Variants in TCF20 observed in about 807,000 individuals in gnomAD.
TCF20 encodes the protein SPRE-binding protein.
In TCF20, 3 loss-of-function variants were observed where a neutral mutation model predicts 148.6. The observed-to-expected ratio is 0.02, with a 90% CI of 0.01 to 0.05. The LOEUF (loss-of-function observed/expected upper bound fraction) is 0.05, where lower values mean the gene tolerates loss of function less well. Among genes scored for constraint, TCF20 ranks in the 10% least tolerant of loss-of-function variants. TCF20 has a pLI of 1.00. For missense variants in TCF20, 2,350 were observed against 2,429.3 expected (o/e 0.97, Z 0.69); for synonymous variants, 1,049 against 909.5 (o/e 1.15, Z -2.76).
chr22:42,191,279 AAC>A (rs763644901), intron 2 of TCF20, among the ~76,000 whole-genome samples: 3 of 152,082 alleles, frequency 2.0e-5, no homozygotes, highest in Admixed American at 1.3e-4. Flanking sequence ...TTTTTTCTGA[AAC>A]ACAGTTTGCA....
intron 5 of TCF20, among the ~76,000 whole-genome samples, chr22:42,165,265 G>A (rs1935713367): frequency 6.6e-6 from 1 of 152,246 alleles, no homozygotes; most frequent in Admixed American, 6.5e-5. Flanking sequence ...AGGGGCAGGG[G>A]GGCCACGCCC....
chr22:42,343,346 C>G (rs1204435530), intron 1 of TCF20: 1 of 152,168 alleles, frequency 6.6e-6, no homozygotes, highest in Admixed American at 6.5e-5. Flanking sequence ...CCCCCGCGTC[C>G]TCGCCACCTG....
intron 1 of TCF20, among the ~76,000 whole-genome samples, chr22:42,231,895 C>T (rs1923441563): frequency 6.9e-6 from 1 of 144,622 alleles, no homozygotes; most frequent in East Asian, 2.1e-4. Context: ...AGCCACCGCA[C>T]TCCAGCCTGG....
chr22:42,196,274 G>C (rs934216371), intron 2 of TCF20, among the ~76,000 whole-genome samples: 2 of 152,188 alleles, frequency 1.3e-5, no homozygotes, highest in African/African-American at 4.8e-5. Flanking sequence ...TTGCTGCCTG[G>C]GGAATGAGGT....
At chr22:42,267,718 G>A (rs913975200) in intron 1 of TCF20, among the ~76,000 whole-genome samples, 1 of 151,122 alleles carries the variant, frequency 6.6e-6, no homozygotes, top group Admixed American at 6.6e-5. Context: ...AAACAAAAAA[G>A]TGTTTACTTG....
intron 2 of TCF20, among the ~76,000 whole-genome samples, chr22:42,193,802 A>T (rs1937462143): frequency 6.6e-6 from 1 of 152,146 alleles, no homozygotes; most frequent in African/African-American, 2.4e-5. Context: ...ATAAAATATG[A>T]CCTAAAAGAT....
intron 1 of TCF20, among the ~76,000 whole-genome samples, chr22:42,293,513 AG>A (rs1474651080): frequency 6.6e-6 from 1 of 152,112 alleles, no homozygotes; most frequent in African/African-American, 2.4e-5. Context: ...CAGCGGGGTG[AG>A]GGGGCTCAGC....
chr22:42,336,068 C>G (rs1928062285), intron 1 of TCF20, among the ~76,000 whole-genome samples: 1 of 152,216 alleles, frequency 6.6e-6, no homozygotes, highest in Non-Finnish European at 1.5e-5. Flanking sequence ...CTCCTCCAGT[C>G]AAGCAAACCA....
chr22:42,242,273 G>A (rs908896435), intron 1 of TCF20, among the ~76,000 whole-genome samples: 2 of 151,196 alleles, frequency 1.3e-5, no homozygotes, highest in African/African-American at 2.4e-5. Flanking sequence ...CCCTGTATGG[G>A]TGGACTCTTA....
intron 1 of TCF20, among the ~76,000 whole-genome samples, chr22:42,332,569 T>A (rs1371611793): frequency 2.0e-5 from 3 of 152,098 alleles, no homozygotes. Context: ...AGTGGTACCA[T>A]CTCGGCTCAC....
At chr22:42,330,240 G>C (rs1224583356) in intron 1 of TCF20, among the ~76,000 whole-genome samples, 1 of 152,198 alleles carries the variant, frequency 6.6e-6, no homozygotes, top group Non-Finnish European at 1.5e-5. Flanking sequence ...ATGAAACAGT[G>C]ATCCTTCCTT....
intron 1 of TCF20, among the ~76,000 whole-genome samples, chr22:42,237,266 T>G (rs1367752657): frequency 6.6e-6 from 1 of 152,220 alleles, no homozygotes; most frequent in East Asian, 1.9e-4. Flanking sequence ...TCACAGCATC[T>G]TCATCAGGAG....
intron 1 of TCF20, among the ~76,000 whole-genome samples, chr22:42,304,539 C>T (rs1035897149): frequency 6.6e-6 from 1 of 152,204 alleles, no homozygotes; most frequent in African/African-American, 2.4e-5. Context: ...CGTCCGTGCA[C>T]TGCCGCGCAG....
chr22:42,294,471 G>GAGGCAGGGAAGTCACTGGC (rs1330987687), intron 1 of TCF20, among the ~76,000 whole-genome samples: 5 of 152,162 alleles, frequency 3.3e-5, no homozygotes, highest in Non-Finnish European at 7.4e-5. Context: ...CGGCGTGGCA[G>GAGGCAGGGAAGTCACTGGC]AGGCAGGGAA....
chr22:42,190,124 G>C (rs1401456488), intron 2 of TCF20, among the ~76,000 whole-genome samples: 2 of 152,028 alleles, frequency 1.3e-5, no homozygotes, highest in East Asian at 3.9e-4. Flanking sequence ...GGGCACGGTG[G>C]GGGTATCTTC....
chr22:42,301,307 T>C (rs1423515311), intron 1 of TCF20, among the ~76,000 whole-genome samples: 1 of 152,154 alleles, frequency 6.6e-6, no homozygotes, highest in African/African-American at 2.4e-5. Context: ...TGCTGAGCAC[T>C]TACTCTGTGC....
At chr22:42,179,442 A>T (rs958874036) in intron 3 of TCF20, among the ~76,000 whole-genome samples, 167 bp downstream of exon 3, 5 of 147,720 alleles carry the variant, frequency 3.4e-5, no homozygotes, top group African/African-American at 1.3e-4. Context: ...GAGGGAAGGG[A>T]AGGGAGATGA....
rs146117850 is a variant in TCF20, at chr22:42,188,031, C to T, written c.5656-8329G>A. Among the ~76,000 whole-genome samples the T allele has an allele frequency of 7.9e-5, 12 of 152,126 alleles. 1 individual carries two copies. The highest frequency in any genetic ancestry group is 5.9e-4 in the Admixed American group (9 of 15,278). ...TTCTCAGGCCGGGCATGGTGGCTCA[C>T]GCCTGTAATTCCAGCACTTTGTGAG... is the stretch of plus-strand genomic sequence containing the variant. On this transcript the variant is annotated intron_variant, in intron 2 of 5. Transcript: ENST00000677622.
chr22:42,335,803 G>A (rs1456723605), intron 1 of TCF20, among the ~76,000 whole-genome samples: 3 of 152,076 alleles, frequency 2.0e-5, no homozygotes. Context: ...GCCCTTCAGG[G>A]TGCCAGCTCT....
Sources: allele counts gnomAD v4.1 joint callset (sites outside exome capture counted in the v4.1 genomes callset), GRCh38; gene constraint gnomAD v4.1.1; transcripts MANE v1.5; gene names NCBI Gene and HGNC (gene_info 2026-07-23, HGNC 2026-07-21).